CENPO: variants seen among roughly 807,000 people sequenced by gnomAD.
CENPO encodes the protein centromere protein O.
In CENPO, 30 loss-of-function variants were observed where a neutral mutation model predicts 36.1. The ratio of observed to expected loss-of-function variants is 0.83; its 90% confidence interval spans 0.62 to 1.13. The LOEUF (loss-of-function observed/expected upper bound fraction) is 1.13, where lower values mean the gene tolerates loss of function less well. CENPO is among the 50% of genes most tolerant of loss of function. The pLI, the probability that CENPO is intolerant of heterozygous loss-of-function variation, is 0.00. For missense variants in CENPO, 349 were observed against 357.8 expected, an observed-to-expected ratio of 0.98 and a Z score of 0.20; for synonymous variants, 171 against 142.3, an observed-to-expected ratio of 1.20 and a Z score of -1.44.
chr2:24,810,732 T>A (rs1010233056), intron 3 of CENPO, among the ~76,000 whole-genome samples: 14 of 152,056 alleles, frequency 9.2e-5, no homozygotes, highest in Admixed American at 9.2e-4. Flanking sequence ...GGTCTCGAAC[T>A]CCTGACCTCA....
intron 2 of CENPO, among the ~76,000 whole-genome samples, chr2:24,797,639 T>C (rs754175902): frequency 1.1e-4 from 16 of 152,222 alleles, no homozygotes; most frequent in Non-Finnish European, 2.2e-4. Context: ...TTCATCACTA[T>C]GTTCCCAGTG....
At chr2:24,797,491 C>T (rs1180491627) in intron 2 of CENPO, among the ~76,000 whole-genome samples, 1 of 152,142 alleles carries the variant, frequency 6.6e-6, no homozygotes, top group Non-Finnish European at 1.5e-5. Context: ...GAGATTTCTT[C>T]TGGAAAGAAG....
At chr2:24,818,304 G>C (rs751675265) in intron 7 of CENPO, among the ~76,000 whole-genome samples, 1 of 152,018 alleles carries the variant, frequency 6.6e-6, no homozygotes, top group Non-Finnish European at 1.5e-5. Context: ...GCTTGATTCT[G>C]TTGAGAAACA....
chr2:24,818,593 A>C (rs780630813), intron 7 of CENPO, among the ~76,000 whole-genome samples: 1 of 152,162 alleles, frequency 6.6e-6, no homozygotes, highest in African/African-American at 2.4e-5. Context: ...TTGTTTCCTA[A>C]AAGTTTAGTA....
chr2:24,809,141 ACAAC>A (rs1666564036), intron 3 of CENPO, among the ~76,000 whole-genome samples: 1 of 152,158 alleles, frequency 6.6e-6, no homozygotes, highest in South Asian at 2.1e-4. Context: ...TTTTTTTAAA[ACAAC>A]CTACTGTCTT....
At chr2:24,810,804 G>A (rs995266690) in intron 3 of CENPO, among the ~76,000 whole-genome samples, 1 of 151,946 alleles carries the variant, frequency 6.6e-6, no homozygotes, top group African/African-American at 2.4e-5. Flanking sequence ...CACCGCACCC[G>A]GCCTGCAGGG....
At position 24,821,721 on chromosome 2, in the gene CENPO, T is replaced by G; in HGVS notation, c.*2403T>G. 6.4e-7 allele frequency: 1 copy of G among 1,560,430 alleles called. No homozygotes were observed. The highest frequency in any genetic ancestry group is 8.7e-7 in the Non-Finnish European group (1 of 1,152,396). Reference sequence around the variant, plus strand: ...TCTGCTGCCTTCCCTGGCAGTGTTCTGGGGGTGGATTCCCTACACCTAGAT... The same window carrying G: ...TCTGCTGCCTTCCCTGGCAGTGTTCGGGGGGTGGATTCCCTACACCTAGAT... On this transcript the variant is annotated 3_prime_UTR_variant, in exon 8 of 8. Coordinates refer to ENST00000380834, the MANE Select transcript of CENPO (RefSeq NM_001322101.2).
Position 24,799,806 on chromosome 2 carries a change from G to C in CENPO, c.178G>C (p.Asp60His). 2 of 1,613,726 alleles carry C rather than the reference G, an allele frequency of 1.2e-6. No homozygotes were observed. The highest frequency in any genetic ancestry group is 1.7e-6 in the Non-Finnish European group (2 of 1,180,016). Residue 60 changes from aspartate to histidine, a missense_variant, in exon 3 of 8, where the codon GAT becomes CAT. Coordinates refer to ENST00000380834, the MANE Select transcript of CENPO (RefSeq NM_001322101.2). ...GATTCATAAACTAAGGCGTCTGCGA[G>C]ATGAGCTGAGGGCTGTGGTGCGGCA... is the stretch of plus-strand genomic sequence containing the variant. ...TKIHKLRRLR[D>H]ELRAVVRHRR...
At chr2:24,805,088 A>T (rs1281280184) in intron 3 of CENPO, among the ~76,000 whole-genome samples, 1 of 151,882 alleles carries the variant, frequency 6.6e-6, no homozygotes, top group East Asian at 1.9e-4. Context: ...ATCTTCCATC[A>T]CTGATGCCCT....
Position 24,820,093 on chromosome 2 carries a change from T to G in CENPO, c.*775T>G. 1 of 1,548,974 alleles carries G rather than the reference T, an allele frequency of 6.5e-7. No homozygotes were observed. Among genetic ancestry groups the G allele is most frequent in the South Asian group, 1.2e-5 (1 of 82,526 alleles). On this transcript the variant is annotated 3_prime_UTR_variant, in exon 8 of 8. Coordinates refer to ENST00000380834, the MANE Select transcript of CENPO (RefSeq NM_001322101.2). The stretch of plus-strand genomic sequence containing the variant: ...AAGCGGAAGCCGTACTCTCGGAGGA[T>G]GACTTGGGTTTCTTCTACCACCTGG...
Position 24,820,845 on chromosome 2 carries a change from A to T in CENPO, c.*1527A>T. 6.2e-7 allele frequency: 1 copy of T among 1,613,984 alleles called. No individual in the cohort carries two copies. Among genetic ancestry groups the T allele is most frequent in the Non-Finnish European group, 8.5e-7 (1 of 1,179,932 alleles). ...CCCAGCCAGAACCCCGCCTTTGTTC[A>T]TGCCTAGGGTAGAGGCATAAAGTTC... is the stretch of plus-strand genomic sequence containing the variant. On this transcript the variant is annotated 3_prime_UTR_variant, in exon 8 of 8. Coordinates refer to ENST00000380834, the MANE Select transcript of CENPO (RefSeq NM_001322101.2).
chr2:24,809,427 A>AT (rs1426791568), intron 3 of CENPO, among the ~76,000 whole-genome samples: 4 of 151,978 alleles, frequency 2.6e-5, no homozygotes, highest in Non-Finnish European at 5.9e-5. Flanking sequence ...CTTTATTGAT[A>AT]TTTTTTAGTC....
rs1667280351 is a variant in CENPO, at chr2:24,819,869, T to C, written c.*551T>C. The C allele has an allele frequency of 1.3e-6, 2 of 1,546,192 alleles. No individual in the cohort carries two copies. Among genetic ancestry groups the C allele is most frequent in the Non-Finnish European group, 8.8e-7 (1 of 1,135,396 alleles). ...CACTTCAATCCAGGAAGGTCGGGAC[T>C]TCCTTCAGTTTCAAAAAATAAATTC... On this transcript the variant is annotated 3_prime_UTR_variant, in exon 8 of 8. Coordinates refer to ENST00000380834, the MANE Select transcript of CENPO (RefSeq NM_001322101.2).
intron 3 of CENPO, among the ~76,000 whole-genome samples, chr2:24,807,632 ATATACACT>A (rs1373128043): frequency 6.6e-6 from 1 of 152,228 alleles, no homozygotes; most frequent in East Asian, 1.9e-4. Flanking sequence ...TGATATAAAA[ATATACACT>A]TATATATTGG....
intron 3 of CENPO, among the ~76,000 whole-genome samples, chr2:24,806,734 G>A (rs1550111): frequency 0.42 from 64,255 of 151,954 alleles, 15,629 homozygotes; most frequent in East Asian, 0.59. Context: ...AATACTTAAA[G>A]TGGCCTGCCT....
chr2:24,810,802 C>G (rs1666641422), intron 3 of CENPO, among the ~76,000 whole-genome samples: 2 of 152,024 alleles, frequency 1.3e-5, no homozygotes, highest in African/African-American at 4.8e-5. Context: ...ACCACCGCAC[C>G]CGGCCTGCAG....
intron 2 of CENPO, among the ~76,000 whole-genome samples, chr2:24,795,250 A>G (rs1366961077): frequency 6.6e-6 from 1 of 152,142 alleles, no homozygotes; most frequent in Admixed American, 6.6e-5. Flanking sequence ...GCTGTTACCC[A>G]TACTGGTTTT....
rs374134677 is a variant in CENPO, at chr2:24,815,725, C to G, written c.563C>G (p.Ser188Cys). The change falls in exon 5 of 8, where the codon TCT (serine) becomes TGT (cysteine). Residue 188 changes from serine to cysteine, a missense_variant. Coordinates refer to ENST00000380834, the MANE Select transcript of CENPO (RefSeq NM_001322101.2). ...FSLCEYLNAY[S>C]GRKYQADRLQ... ...CTCTGCGAGTACCTGAATGCTTACTCTGGGAGGAAGTACCAGGCAGACCGG... is the reference window on the plus strand; with the variant it reads ...CTCTGCGAGTACCTGAATGCTTACTGTGGGAGGAAGTACCAGGCAGACCGG... The G allele has an allele frequency of 1.6e-5, 26 of 1,614,120 alleles. No homozygotes were observed. The highest frequency in any genetic ancestry group is 5.5e-5 in the South Asian group (5 of 91,084).
chr2:24,819,885 AAAT>A lies in CENPO; in HGVS notation c.*570_*572del. 2 of 1,590,798 alleles carry A rather than the reference AAAT, an allele frequency of 1.3e-6. No homozygotes were observed. Among genetic ancestry groups the A allele is most frequent in the Non-Finnish European group, 1.7e-6 (2 of 1,167,108 alleles). ...GGTCGGGACTTCCTTCAGTTTCAAA[AAAT>A]AAATTCTCCCTTCCGGTTTGGACTG... On this transcript the variant is annotated 3_prime_UTR_variant, in exon 8 of 8. Coordinates refer to ENST00000380834, the MANE Select transcript of CENPO (RefSeq NM_001322101.2).
Sources: gnomAD v4.1 joint callset for allele counts (sites outside exome capture counted in the v4.1 genomes callset) on GRCh38, gnomAD v4.1.1 for gene constraint, MANE v1.5 for transcripts, NCBI Gene and HGNC (gene_info 2026-07-23, HGNC 2026-07-21) for gene names.